RALGPS1: variants seen among roughly 807,000 people sequenced by gnomAD.
The protein encoded by RALGPS1 is Ral GEF with PH domain and SH3 binding motif 1, also known as ras-specific guanine nucleotide-releasing factor RalGPS1.
Under a neutral mutation model 78.8 loss-of-function variants are expected in RALGPS1, and 19 were observed. The ratio of observed to expected loss-of-function variants is 0.24; its 90% CI spans 0.17 to 0.35. RALGPS1 has a LOEUF of 0.35. Among genes scored for constraint, RALGPS1 ranks in the 10% least tolerant of loss-of-function variants. The pLI is 1.00. For synonymous variants in RALGPS1, 228 were observed against 256.3 expected (o/e 0.89, Z 1.06); for missense variants, 454 against 688.3 (o/e 0.66, Z 3.81).
chr9:126,958,126 T>TAAAAAAAAAAAAAAA (rs11290290), intron 1 of RALGPS1, among the ~76,000 whole-genome samples: 4 of 77,554 alleles, frequency 5.2e-5, no homozygotes, highest in South Asian at 5.4e-4. Flanking sequence ...GCTGTCTCTT[T>TAAAAAAAAAAAAAAA]AAAAAAAAAA....
At chr9:126,967,814 A>G (rs1053733851) in intron 3 of RALGPS1, among the ~76,000 whole-genome samples, 2 of 152,144 alleles carry the variant, frequency 1.3e-5, no homozygotes, top group Admixed American at 6.5e-5. Flanking sequence ...CTGGGATTGC[A>G]GGTGTGAGTC....
At chr9:127,175,890 C>T (rs374812292) in intron 11 of RALGPS1, among the ~76,000 whole-genome samples, 2 of 152,234 alleles carry the variant, frequency 1.3e-5, no homozygotes, top group African/African-American at 4.8e-5. Flanking sequence ...TCTCCCCACT[C>T]TCTGGTGCCA....
At chr9:126,946,751 CACTCTCCCTTTTACCCTCATTTCTTG>C (rs1240184371) in intron 1 of RALGPS1, among the ~76,000 whole-genome samples, 14 of 151,974 alleles carry the variant, frequency 9.2e-5, no homozygotes, top group Non-Finnish European at 1.9e-4. Flanking sequence ...CTCATTTCTT[CACTCTCCCTTTTACCCTCATTTCTTG>C]ATGTTCCCTT....
At chr9:127,161,626 G>A (rs574451828) in intron 8 of RALGPS1, among the ~76,000 whole-genome samples, 1 of 152,292 alleles carries the variant, frequency 6.6e-6, no homozygotes, top group South Asian at 2.1e-4. Context: ...GGTGGTAGAT[G>A]GCACAGGGGA....
intron 6 of RALGPS1, 128 bp from the exon 7 acceptor site, chr9:127,052,719 A>G (rs1050235659): frequency 2.0e-5 from 13 of 655,494 alleles, no homozygotes; most frequent in African/African-American, 3.6e-5. Flanking sequence ...CCTTAGAACT[A>G]TGTTTTCCAC....
intron 8 of RALGPS1, among the ~76,000 whole-genome samples, chr9:127,095,485 T>A (rs560599169): frequency 2.0e-5 from 3 of 152,356 alleles, no homozygotes; most frequent in African/African-American, 7.2e-5. Context: ...ATGTTTTCTA[T>A]CAATTTGTAT....
rs554410283 is a variant in RALGPS1 at position 126,980,794 on chromosome 9, C to G, written c.216+3049C>G. Among the ~76,000 whole-genome samples the G allele has an allele frequency of 1.6e-4, 25 of 152,350 alleles. 1 individual carries two copies. In the South Asian group the frequency reaches 5.2e-3, roughly 32 times the overall value. ...GCCCTGACCCTAGAGCTCAAGCTCT[C>G]AGCCCCTGTTGCATGTGGGTGTAGC... is the stretch of plus-strand genomic sequence containing the variant. On this transcript the variant is annotated intron_variant, in intron 4 of 18. Transcript: ENST00000259351.
rs1040117718 is a variant in RALGPS1, at chr9:127,218,161, G to A, written c.1645-579G>A. Among the ~76,000 whole-genome samples, 1 of 152,162 alleles carries A rather than the reference G, an allele frequency of 6.6e-6. No individual in the cohort carries two copies. The highest frequency in any genetic ancestry group is 1.5e-5 in the Non-Finnish European group (1 of 68,028). ...GGACCTGTTGGCAGCTTTTGGGGGT[G>A]GCAGAAACACTCTGACCTTGGGGCT... On this transcript the variant is annotated intron_variant, in intron 18 of 18. Coordinates refer to ENST00000259351, the MANE Select transcript of RALGPS1 (RefSeq NM_014636.3). This position sits in a 1 kb window ranked among gnomAD's most constrained non-coding sequence, Gnocchi z 4.4.
chr9:127,137,392 GC>G (rs925455342), intron 8 of RALGPS1, among the ~76,000 whole-genome samples: 3 of 152,228 alleles, frequency 2.0e-5, no homozygotes, highest in African/African-American at 7.2e-5. Flanking sequence ...CACCACAGCT[GC>G]CTGTAGCTGA....
Position 126,954,018 on chromosome 9 carries a change from G to A in RALGPS1, c.-65-8207G>A, listed in dbSNP as rs984539014. Among the ~76,000 whole-genome samples, 13 of 152,144 alleles carry A rather than the reference G, an allele frequency of 8.5e-5. No individual in the cohort carries two copies. The East Asian group carries it at 1.4e-3, about 16-fold the overall frequency. The stretch of plus-strand genomic sequence containing the variant: ...CCCTGTGCATCCACACATGCCCAGC[G>A]CCCTCCACACACTGCCCACACTTTA... On this transcript the variant is annotated intron_variant, in intron 1 of 18. Coordinates refer to ENST00000259351, the MANE Select transcript of RALGPS1 (RefSeq NM_014636.3).
intron 4 of RALGPS1, among the ~76,000 whole-genome samples, chr9:127,029,940 C>G (rs142514963): frequency 6.6e-6 from 1 of 152,298 alleles, no homozygotes; most frequent in East Asian, 1.9e-4. Flanking sequence ...AGTGTTGATT[C>G]TTGCTTTCAC....
At chr9:126,983,321 A>C (rs2041502610) in intron 4 of RALGPS1, among the ~76,000 whole-genome samples, 3 of 152,160 alleles carry the variant, frequency 2.0e-5, no homozygotes, top group Admixed American at 6.5e-5. Flanking sequence ...GAAGAGTGGT[A>C]AAATGAACCT....
Position 127,183,150 on chromosome 9 carries a change from C to T in RALGPS1, c.910+8368C>T, listed in dbSNP as rs2060391854. Among the ~76,000 whole-genome samples, 1 of 149,630 alleles carries T rather than the reference C, an allele frequency of 6.7e-6. No individual in the cohort carries two copies. Among genetic ancestry groups the T allele is most frequent in the Non-Finnish European group, 1.5e-5 (1 of 67,302 alleles). ...GCTAAGCCATTCATGAAGGATCCGC[C>T]CCCGACCCAGTCACCCCACCAGGCC... On this transcript the variant is annotated intron_variant, in intron 11 of 18. Transcript: ENST00000259351. This position sits in a 1 kb window ranked among gnomAD's most constrained non-coding sequence, Gnocchi z 4.0.
intron 8 of RALGPS1, among the ~76,000 whole-genome samples, chr9:127,125,888 A>G (rs1267110404): frequency 6.6e-6 from 1 of 152,212 alleles, no homozygotes; most frequent in Non-Finnish European, 1.5e-5. Context: ...CATGTAAATG[A>G]CACAATTCGT....
At chr9:126,958,140 A>AAAAAT (rs1554765202) in intron 1 of RALGPS1, among the ~76,000 whole-genome samples, 10 of 79,942 alleles carry the variant, frequency 1.3e-4, no homozygotes, top group Admixed American at 2.5e-4. Context: ...AAAAAAAAAA[A>AAAAAT]AAATATATAT....
chr9:126,951,719 A>G (rs1331466676), intron 1 of RALGPS1, among the ~76,000 whole-genome samples: 1 of 152,224 alleles, frequency 6.6e-6, no homozygotes, highest in Non-Finnish European at 1.5e-5. Context: ...GTCATACTGA[A>G]TGGGTAAAAA....
intron 14 of RALGPS1, chr9:127,210,355 G>A (rs918554166): frequency 1.7e-5 from 6 of 344,954 alleles, no homozygotes; most frequent in Middle Eastern, 8.7e-4. Flanking sequence ...GGGCTGTACA[G>A]TGTTTGCTAT....
chr9:126,971,020 T>C (rs1164438194), intron 3 of RALGPS1, among the ~76,000 whole-genome samples: 1 of 152,150 alleles, frequency 6.6e-6, no homozygotes, highest in Non-Finnish European at 1.5e-5. Flanking sequence ...AATAAAAGAA[T>C]TCTTTTGGAA....
At position 127,211,593 on chromosome 9, in the gene RALGPS1, T is replaced by C. The variant is rs1412230698; in HGVS notation, c.1248-538T>C. On this transcript the variant is annotated intron_variant, in intron 14 of 18. Coordinates refer to ENST00000259351, the MANE Select transcript of RALGPS1 (RefSeq NM_014636.3). The surrounding 1 kb of genome is among the most constrained non-coding windows in gnomAD (Gnocchi z 5.0). Reference sequence around the variant, plus strand: ...TGCCATGCCCTTGGACGCCTTCATCTGTAGGTGGTGCTTGAGTCCCCAAGG... The same window carrying C: ...TGCCATGCCCTTGGACGCCTTCATCCGTAGGTGGTGCTTGAGTCCCCAAGG... 6.6e-6 allele frequency among the ~76,000 whole-genome samples: 1 copy of C among 152,068 alleles called. No homozygotes were observed. The highest frequency in any genetic ancestry group is 1.9e-4 in the East Asian group (1 of 5,184).
Sources: allele counts gnomAD v4.1 joint callset (sites outside exome capture counted in the v4.1 genomes callset), GRCh38; gene constraint gnomAD v4.1.1; non-coding constraint Gnocchi (gnomAD v3.1); transcripts MANE v1.5; gene names NCBI Gene and HGNC (gene_info 2026-07-23, HGNC 2026-07-21).